Variants in SAMD15 observed in about 807,000 individuals in gnomAD.
SAMD15 encodes sterile alpha motif domain-containing protein 15.
SAMD15 carries 37 observed loss-of-function variants against 50.5 expected under a neutral mutation model. That is an observed-to-expected ratio of 0.73 (90% CI 0.56 to 0.96). The LOEUF (loss-of-function observed/expected upper bound fraction) is 0.96, where lower values mean the gene tolerates loss of function less well. Among genes scored for constraint, SAMD15 ranks in the 40% least tolerant of loss-of-function variants. The pLI, the probability that SAMD15 is intolerant of heterozygous loss-of-function variation, is 0.00. For synonymous variants in SAMD15, 255 were observed against 282.8 expected (o/e 0.90, Z 0.99); for missense variants, 789 against 783.8 (o/e 1.01, Z -0.08).
In SAMD15 at chr14:77,391,399, T is replaced by G; in HGVS notation, c.*155T>G. 1.9e-6 allele frequency: 1 copy of G among 535,138 alleles called. No homozygotes were observed. Among genetic ancestry groups the G allele is most frequent in the South Asian group, 2.8e-5 (1 of 35,280 alleles). 33.1% of individuals were successfully genotyped at this position (535,138 alleles called of 1,614,324 possible). On this transcript the variant is annotated 3_prime_UTR_variant, in exon 3 of 3. Coordinates refer to ENST00000216471, the MANE Select transcript of SAMD15 (RefSeq NM_001010860.4). ...CCCAGGCTGGAGTGCAATGGCACAG[T>G]CTCAGCTCACTGCAACCTTGCGATT...
chr14:77,377,432 C>A lies in SAMD15; in HGVS notation c.14C>A (p.Pro5Gln), dbSNP rs1318239617. 6.2e-7 allele frequency: 1 copy of A among 1,608,826 alleles called. No individual in the cohort carries two copies. The highest frequency in any genetic ancestry group is 8.5e-7 in the Non-Finnish European group (1 of 1,177,794). ...GCTAAGCTGCAAATGGCTGAAGTCC[C>A]GGAGGATTATGATTCCGGCCCAGAT... MAEV[P>Q]EDYDSGPDED... The change falls in exon 1 of 3, where the codon CCG (proline) becomes CAG (glutamine). Residue 5 changes from proline (P) to glutamine (Q), a missense_variant. This residue lies in a region of SAMD15 where 770 missense variants were observed against 745.4 expected (regional missense o/e 1.03). Coordinates refer to ENST00000216471, the MANE Select transcript of SAMD15 (RefSeq NM_001010860.4).
chr14:77,388,886 C>T (rs1894039164), intron 2 of SAMD15, among the ~76,000 whole-genome samples: 1 of 152,106 alleles, frequency 6.6e-6, no homozygotes, highest in African/African-American at 2.4e-5. Flanking sequence ...TAAGCCACCT[C>T]ACCTGGCCTT....
chr14:77,387,668 A>C (rs1044609492), intron 2 of SAMD15, among the ~76,000 whole-genome samples: 20 of 152,134 alleles, frequency 1.3e-4, no homozygotes, highest in Admixed American at 3.9e-4. Flanking sequence ...CATAAAAAAA[A>C]CCCGTATCAT....
Position 77,378,703 on chromosome 14 carries a change from A to T in SAMD15, c.1285A>T (p.Lys429Ter). 5 of 1,614,048 alleles carry T rather than the reference A, an allele frequency of 3.1e-6. No individual in the cohort carries two copies. Among genetic ancestry groups the T allele is most frequent in the Non-Finnish European group, 4.2e-6 (5 of 1,179,978 alleles). The part of the protein sequence containing the change: ...FSKEDRPEPI[K>*]SKYSVGNDEL... ...CAAGGAAGACAGGCCAGAACCAATA[A>T]AGTCTAAGTATTCTGTAGGAAACGA... Residue 429 changes from lysine to a stop codon, truncating the protein, a stop_gained, in exon 1 of 3, where the codon AAG (lysine) becomes TAG (stop). Coordinates refer to ENST00000216471, the MANE Select transcript of SAMD15 (RefSeq NM_001010860.4). LOFTEE classifies it high-confidence loss of function.
chr14:77,389,648 A>T (rs1894048772), intron 2 of SAMD15, among the ~76,000 whole-genome samples: 1 of 151,834 alleles, frequency 6.6e-6, no homozygotes, highest in Non-Finnish European at 1.5e-5. Flanking sequence ...TTACAGGAGC[A>T]TGCCACCACA....
chr14:77,378,402 A>C lies in SAMD15; in HGVS notation c.984A>C (p.Pro328=). Residue 328 remains proline, a synonymous_variant, in exon 1 of 3, where the codon CCA becomes CCC. Coordinates refer to ENST00000216471, the MANE Select transcript of SAMD15 (RefSeq NM_001010860.4). Reference sequence around the variant, plus strand: ...CTACTGATGAGAACGTTCCTGAGCCACTAGAAGAGATCAAATTAGAGTTTC... The same window carrying C: ...CTACTGATGAGAACGTTCCTGAGCCCCTAGAAGAGATCAAATTAGAGTTTC... ...RKSTDENVPE[P]LEEIKLEFPE... is the part of the protein sequence containing the mutation. 1 of 1,614,152 alleles carries C rather than the reference A, an allele frequency of 6.2e-7. No individual in the cohort carries two copies. The highest frequency in any genetic ancestry group is 1.3e-5 in the African/African-American group (1 of 75,054).
intron 1 of SAMD15, among the ~76,000 whole-genome samples, chr14:77,379,380 G>T (rs950323965): frequency 6.7e-6 from 1 of 148,362 alleles, no homozygotes; most frequent in Admixed American, 6.7e-5. Context: ...AGAGTATATA[G>T]ACCTCCTTTC....
In SAMD15 at chr14:77,377,657, G is replaced by C; in HGVS notation, c.239G>C (p.Gly80Ala). The C allele has an allele frequency of 6.2e-7, 1 of 1,614,156 alleles. No homozygotes were observed. The highest frequency in any genetic ancestry group is 8.5e-7 in the Non-Finnish European group (1 of 1,180,030). Residue 80 changes from glycine to alanine, a missense_variant, in exon 1 of 3, where the codon GGC becomes GCC. Gly to Ala is a moderately conservative substitution (Grantham distance 60, BLOSUM62 0). Coordinates refer to ENST00000216471, the MANE Select transcript of SAMD15 (RefSeq NM_001010860.4). ...GCTAAGAACGTGCAGCTGAAACCTG[G>C]CGGGACGTCCCAGGAAGGAATTGCC... ...DSAKNVQLKP[G>A]GTSQEGIAKE...
chr14:77,386,009 G>A (rs1008583226), intron 2 of SAMD15, among the ~76,000 whole-genome samples: 8 of 151,512 alleles, frequency 5.3e-5, no homozygotes, highest in Non-Finnish European at 1.2e-4. Context: ...CACCACACCC[G>A]TCTAATTTTT....
chr14:77,380,012 T>C lies in SAMD15; in HGVS notation c.1690-371T>C, dbSNP rs531823849. 2.6e-5 allele frequency among the ~76,000 whole-genome samples: 4 copies of C among 152,288 alleles called. No individual in the cohort carries two copies. The South Asian group carries it at 6.2e-4, about 24-fold the overall frequency. On this transcript the variant is annotated intron_variant, in intron 1 of 2. Transcript: ENST00000216471. The stretch of plus-strand genomic sequence containing the variant: ...TACCTACTATACTTACAAATGTAAT[T>C]GAGACATGAAGAAGCACTGGTTGTA...
rs1292477482 is a variant in SAMD15, at chr14:77,378,928, TTAAG to T, written c.1512_1515del (p.Glu506SerfsTer8). 1.9e-6 allele frequency: 3 copies of T among 1,614,100 alleles called. No individual in the cohort carries two copies. Among genetic ancestry groups the T allele is most frequent in the South Asian group, 2.2e-5 (2 of 91,082 alleles). On this transcript the variant is annotated frameshift_variant, in exon 1 of 3. Coordinates refer to ENST00000216471, the MANE Select transcript of SAMD15 (RefSeq NM_001010860.4). LOFTEE classifies it high-confidence loss of function. The stretch of plus-strand genomic sequence containing the variant: ...AGATCCCTCAGAGTCTCAGACAGAA[TTAAG>T]TGAGTTCGTTCATGAAAAGGAAGTT...
rs753934059 is a variant in SAMD15 at position 77,380,447 on chromosome 14, C to T, written c.1754C>T (p.Pro585Leu). ...KLIHVNCSNL[P>L]QMGITNFEDM... Reference sequence around the variant, plus strand: ...ATTCACGTCAACTGCTCAAACCTCCCTCAGATGGGGATAACAAACTTTGAG... The same window carrying T: ...ATTCACGTCAACTGCTCAAACCTCCTTCAGATGGGGATAACAAACTTTGAG... Residue 585 changes from proline to leucine, a missense_variant, in exon 2 of 3, where the codon CCT becomes CTT. By Grantham distance (98) the Pro-to-Leu change is moderately conservative. This residue lies in a region of SAMD15 where 770 missense variants were observed against 745.4 expected (regional missense o/e 1.03). Transcript: ENST00000216471. 1 of 1,613,898 alleles carries T rather than the reference C, an allele frequency of 6.2e-7. No individual in the cohort carries two copies.
At position 77,391,953 on chromosome 14, in the gene SAMD15, C is replaced by G. The variant is rs1041714908; in HGVS notation, c.*709C>G. Among the ~76,000 whole-genome samples, 22 of 152,110 alleles carry G rather than the reference C, an allele frequency of 1.4e-4. No individual in the cohort carries two copies. Among genetic ancestry groups the G allele is most frequent in the African/African-American group, 5.3e-4 (22 of 41,434 alleles). On this transcript the variant is annotated 3_prime_UTR_variant, in exon 3 of 3. Transcript: ENST00000216471. ...CCTGTAGTCCCAGCTACTCAGGAGG[C>G]TGAGGCAGAAGAATCATTTGAACCC...
chr14:77,384,596 T>C (rs921887012), intron 2 of SAMD15, among the ~76,000 whole-genome samples: 7 of 152,202 alleles, frequency 4.6e-5, no homozygotes, highest in African/African-American at 1.7e-4. Flanking sequence ...TCCCTTTTTT[T>C]TAAAGCATCT....
chr14:77,384,409 G>T (rs1476451894), intron 2 of SAMD15, among the ~76,000 whole-genome samples: 7 of 151,896 alleles, frequency 4.6e-5, no homozygotes, highest in South Asian at 2.1e-4. Flanking sequence ...ACATTTAATT[G>T]TCCCCTTTCT....
chr14:77,387,956 T>C (rs1894025007), intron 2 of SAMD15, among the ~76,000 whole-genome samples: 1 of 152,196 alleles, frequency 6.6e-6, no homozygotes, highest in Non-Finnish European at 1.5e-5. Flanking sequence ...GGCAGGAAGA[T>C]GGCTTGAGCC....
At chr14:77,379,172 C>A in intron 1 of SAMD15, 65 bp downstream of exon 1, 4 of 1,473,646 alleles carry the variant, frequency 2.7e-6, no homozygotes, top group Non-Finnish European at 3.7e-6. Context: ...TTCCTTCTAA[C>A]TTGGCCTGAG....
chr14:77,381,332 CCATTTG>C (rs1478632569), intron 2 of SAMD15, among the ~76,000 whole-genome samples: 2 of 152,330 alleles, frequency 1.3e-5, no homozygotes, highest in Admixed American at 6.5e-5. Context: ...ACAGTACCCT[CCATTTG>C]TAGTGCTTTG....
In SAMD15 at chr14:77,377,669, A is replaced by G. The variant is rs1893863877; in HGVS notation, c.251A>G (p.Gln84Arg). The part of the protein sequence containing the change: ...NVQLKPGGTS[Q>R]EGIAKESKRD... ...CAGCTGAAACCTGGCGGGACGTCCC[A>G]GGAAGGAATTGCCAAGGAGTCCAAG... Residue 84 changes from glutamine (Q) to arginine (R), a missense_variant, in exon 1 of 3, where the codon CAG becomes CGG. Gln to Arg is a conservative substitution (Grantham distance 43). Coordinates refer to ENST00000216471, the MANE Select transcript of SAMD15 (RefSeq NM_001010860.4). 1.2e-6 allele frequency: 2 copies of G among 1,614,090 alleles called. No individual in the cohort carries two copies. Among genetic ancestry groups the G allele is most frequent in the Non-Finnish European group, 8.5e-7 (1 of 1,180,038 alleles).
Sources: gnomAD v4.1 joint callset for allele counts (sites outside exome capture counted in the v4.1 genomes callset) on GRCh38, gnomAD v4.1.1 for gene constraint, gnomAD v4.1.1 regional missense constraint, MANE v1.5 for transcripts, NCBI Gene and HGNC (gene_info 2026-07-23, HGNC 2026-07-21) for gene names.